The following PRKAR2B variants were observed in gnomAD, a reference collection of about 807,000 sequenced individuals.
The protein encoded by PRKAR2B is protein kinase cAMP-dependent type II regulatory subunit beta, also known as cAMP-dependent protein kinase type II-beta regulatory subunit.
In PRKAR2B, 14 loss-of-function variants were observed where a neutral mutation model predicts 49.9. The observed-to-expected ratio is 0.28, with a 90% CI of 0.19 to 0.44. PRKAR2B has a LOEUF of 0.44. Among genes scored for constraint, PRKAR2B ranks in the 20% least tolerant of loss-of-function variants. PRKAR2B has a pLI of 1.00. For synonymous variants in PRKAR2B, 196 were observed against 197.7 expected (o/e 0.99, Z 0.07); for missense variants, 393 against 537.9 (o/e 0.73, Z 2.67).
chr7:107,126,251 C>CAAAAAAAAAAAAAAAAAAAAAAA (rs528961832), intron 3 of PRKAR2B, among the ~76,000 whole-genome samples: 1 of 85,472 alleles, frequency 1.2e-5, no homozygotes, highest in Non-Finnish European at 2.4e-5. Context: ...ATACAAAATA[C>CAAAAAAAAAAAAAAAAAAAAAAA]AAAAAAAAAA....
At chr7:107,073,080 TTAA>T (rs1794313683) in intron 2 of PRKAR2B, among the ~76,000 whole-genome samples, 1 of 152,212 alleles carries the variant, frequency 6.6e-6, no homozygotes, top group Non-Finnish European at 1.5e-5. Context: ...TGAATTATAA[TTAA>T]TAACTCATTA....
chr7:107,050,468 C>T (rs1351916408), intron 1 of PRKAR2B, among the ~76,000 whole-genome samples: 1 of 149,774 alleles, frequency 6.7e-6, no homozygotes, highest in East Asian at 2.0e-4. Flanking sequence ...AGTAAATTTC[C>T]AGCCGTCAAG....
chr7:107,118,455 TA>T (rs34519369), intron 2 of PRKAR2B, among the ~76,000 whole-genome samples: 58,766 of 147,218 alleles, frequency 0.4, 13,856 homozygotes, highest in Non-Finnish European at 0.51. Context: ...GTCATTTATT[TA>T]AAAAAAAAAA....
intron 2 of PRKAR2B, among the ~76,000 whole-genome samples, chr7:107,098,636 C>T (rs1385652596): frequency 6.6e-6 from 1 of 152,182 alleles, no homozygotes; most frequent in African/African-American, 2.4e-5. Context: ...GGTTTCTCCC[C>T]ATCTTTGTGG....
intron 2 of PRKAR2B, among the ~76,000 whole-genome samples, chr7:107,114,045 A>G (rs1019473193): frequency 1.3e-5 from 2 of 152,202 alleles, no homozygotes; most frequent in Admixed American, 6.5e-5. Context: ...GTGCCATGCT[A>G]TAAATAAGTC....
At chr7:107,054,889 G>A (rs949243610) in intron 1 of PRKAR2B, among the ~76,000 whole-genome samples, 1 of 152,016 alleles carries the variant, frequency 6.6e-6, no homozygotes, top group Non-Finnish European at 1.5e-5. Flanking sequence ...GTATACATGT[G>A]CCATGTTGGT....
intron 1 of PRKAR2B, among the ~76,000 whole-genome samples, chr7:107,052,231 C>A (rs576454792): frequency 6.6e-6 from 1 of 152,094 alleles, no homozygotes; most frequent in Non-Finnish European, 1.5e-5. Flanking sequence ...CCAGCCTGGC[C>A]AACATGGTGA....
At chr7:107,092,719 AAACAT>A (rs1252502541) in intron 2 of PRKAR2B, among the ~76,000 whole-genome samples, 2 of 152,226 alleles carry the variant, frequency 1.3e-5, no homozygotes, top group Non-Finnish European at 2.9e-5. Flanking sequence ...TTACAATTTT[AAACAT>A]AACATAAAAT....
intron 7 of PRKAR2B, among the ~76,000 whole-genome samples, chr7:107,152,532 A>C (rs1444383576): frequency 6.6e-6 from 1 of 152,190 alleles, no homozygotes. Context: ...TACCCTAAAA[A>C]TTCAGCTTCA....
intron 4 of PRKAR2B, among the ~76,000 whole-genome samples, chr7:107,129,871 C>T (rs576890857): frequency 2.0e-4 from 30 of 152,220 alleles, no homozygotes; most frequent in African/African-American, 7.0e-4. Flanking sequence ...TGAGGATGAC[C>T]AGAGGTCACT....
At chr7:107,129,076 TG>T (rs1795550727) in intron 4 of PRKAR2B, 2 of 152,218 alleles carry the variant, frequency 1.3e-5, no homozygotes, top group Non-Finnish European at 2.9e-5. Flanking sequence ...TTCAAGTTTT[TG>T]GTGATGCCCT....
In PRKAR2B at chr7:107,097,394, A is replaced by T. The variant is rs193180536; in HGVS notation, c.344-24558A>T. On this transcript the variant is annotated intron_variant, in intron 2 of 10. Transcript: ENST00000265717. ...TCCTCCATCCCTTTATTATGAAGCTATGTGTATCTCTGCACGTGAGATGGG... is the reference window on the plus strand; with the variant it reads ...TCCTCCATCCCTTTATTATGAAGCTTTGTGTATCTCTGCACGTGAGATGGG... Among the ~76,000 whole-genome samples the T allele has an allele frequency of 9.0e-4, 137 of 152,024 alleles. 3 individuals carry two copies. The South Asian group carries it at 0.017, about 18-fold the overall frequency.
At chr7:107,089,872 T>C (rs558477483) in intron 2 of PRKAR2B, among the ~76,000 whole-genome samples, 10 of 152,338 alleles carry the variant, frequency 6.6e-5, no homozygotes, top group Admixed American at 5.2e-4. Flanking sequence ...CCCTGAGTTA[T>C]GTATCACCCA....
At chr7:107,063,531 G>A (rs999768808) in intron 1 of PRKAR2B, among the ~76,000 whole-genome samples, 6 of 152,040 alleles carry the variant, frequency 3.9e-5, no homozygotes, top group African/African-American at 1.2e-4. Flanking sequence ...AAAAGGAAAC[G>A]GGATGATACC....
At position 107,157,192 on chromosome 7, in the gene PRKAR2B, T is replaced by C; in HGVS notation, c.991T>C (p.Ser331Pro). The C allele has an allele frequency of 6.2e-7, 1 of 1,612,450 alleles. No individual in the cohort carries two copies. The highest frequency in any genetic ancestry group is 8.5e-7 in the Non-Finnish European group (1 of 1,179,108). The change falls in exon 10 of 11, where the codon TCA becomes CCA. Residue 331 changes from serine (S) to proline (P), a missense_variant. Physicochemically the swap from Ser to Pro is moderately conservative, Grantham distance 74. This residue lies in a region of PRKAR2B where 233 missense variants were observed against 390.4 expected (regional missense o/e 0.60). Transcript: ENST00000265717. Reference protein sequence around the residue: ...VKITMKRKGKSEVEENGAVEI... With the variant: ...VKITMKRKGKPEVEENGAVEI... ...TTTTTAATTGCCTTGTCAGGGTAAATCAGAAGTGGAAGAGAATGGTGCAGT... is the reference window on the plus strand; with the variant it reads ...TTTTTAATTGCCTTGTCAGGGTAAACCAGAAGTGGAAGAGAATGGTGCAGT...
At chr7:107,143,045 A>C (rs1157732087) in intron 5 of PRKAR2B, among the ~76,000 whole-genome samples, 1 of 152,096 alleles carries the variant, frequency 6.6e-6, no homozygotes, top group Non-Finnish European at 1.5e-5. Flanking sequence ...TTACAGGTGT[A>C]AGTCAGTGTG....
intron 3 of PRKAR2B, among the ~76,000 whole-genome samples, chr7:107,122,800 A>T (rs945110922): frequency 6.6e-6 from 1 of 152,200 alleles, no homozygotes; most frequent in African/African-American, 2.4e-5. Flanking sequence ...CTTGAAACTT[A>T]TGTAAAATCC....
At chr7:107,153,053 A>G in intron 7 of PRKAR2B, 124 bp from the exon 8 acceptor site, 1 of 454,474 alleles carries the variant, frequency 2.2e-6, no homozygotes, top group Non-Finnish European at 3.8e-6. Context: ...TACAACAAAC[A>G]CATATACAAC....
intron 4 of PRKAR2B, among the ~76,000 whole-genome samples, chr7:107,131,707 T>C (rs1237660325): frequency 6.6e-6 from 1 of 152,174 alleles, no homozygotes; most frequent in African/African-American, 2.4e-5. Context: ...TATAAGTAAG[T>C]AAAATTTATT....
Sources: allele counts gnomAD v4.1 joint callset (sites outside exome capture counted in the v4.1 genomes callset), GRCh38; gene constraint gnomAD v4.1.1; regional missense constraint gnomAD v4.1.1; transcripts MANE v1.5; gene names NCBI Gene and HGNC (gene_info 2026-07-23, HGNC 2026-07-21).